TRIM55: variants seen among roughly 807,000 people sequenced by gnomAD.
The protein encoded by TRIM55 is tripartite motif containing 55.
A neutral mutation model predicts 60.9 loss-of-function variants in TRIM55; 50 were observed. That is an observed-to-expected ratio of 0.82 (90% confidence interval 0.65 to 1.04). TRIM55 has a LOEUF of 1.04. Ranked by LOEUF, TRIM55 falls within the 50% of genes least tolerant of loss-of-function variation. The pLI is 0.00. For synonymous variants in TRIM55, 237 were observed against 238.1 expected, an observed-to-expected ratio of 1.00 and a Z score of 0.04; for missense variants, 681 against 666.9, an observed-to-expected ratio of 1.02 and a Z score of -0.23.
chr8:66,122,617 G>T (rs951380286), upstream of TRIM55, among the ~76,000 whole-genome samples: 1 of 152,158 alleles, frequency 6.6e-6, no homozygotes, highest in African/African-American at 2.4e-5. Flanking sequence ...CCAAAAATAT[G>T]ATTCTAAGCC....
chr8:66,167,677 C>T (rs1477253126), intron 9 of TRIM55, among the ~76,000 whole-genome samples: 1 of 152,120 alleles, frequency 6.6e-6, no homozygotes, highest in Non-Finnish European at 1.5e-5. Flanking sequence ...GGCAACAAAG[C>T]CCCCCAGTCA....
At chr8:66,170,913 C>T (rs2128986953) in intron 9 of TRIM55, among the ~76,000 whole-genome samples, 1 of 152,314 alleles carries the variant, frequency 6.6e-6, no homozygotes, top group East Asian at 1.9e-4. Context: ...AAAATCATTT[C>T]TTGTTGATGG....
the TRIM55 span, among the ~76,000 whole-genome samples, chr8:66,117,716 G>T: frequency 6.6e-6 from 1 of 151,024 alleles, no homozygotes; most frequent in East Asian, 2.0e-4. Context: ...GGGTGGAGGA[G>T]AAGTGGGGGT....
the TRIM55 span, among the ~76,000 whole-genome samples, chr8:66,114,336 A>G: frequency 6.6e-6 from 1 of 152,204 alleles, no homozygotes; most frequent in South Asian, 2.1e-4. Context: ...AGACGAAGTC[A>G]GGTGAAGAGT....
chr8:66,168,675 G>T (rs530488504), intron 9 of TRIM55, among the ~76,000 whole-genome samples: 2 of 152,310 alleles, frequency 1.3e-5, no homozygotes, highest in South Asian at 4.1e-4. Flanking sequence ...AACATGCATT[G>T]GTAACCAGAT....
chr8:66,171,849 G>A (rs1811655822), intron 9 of TRIM55, among the ~76,000 whole-genome samples: 1 of 152,190 alleles, frequency 6.6e-6, no homozygotes, highest in Admixed American at 6.5e-5. Context: ...GGGCCTCTTG[G>A]AGATACACTG....
chr8:66,127,110 C>T, upstream of TRIM55: 1 of 738,268 alleles, frequency 1.4e-6, no homozygotes. Context: ...AAAAACAGCT[C>T]CAGCACCCAC....
At chr8:66,146,397 T>C (rs1219425863) in intron 4 of TRIM55, among the ~76,000 whole-genome samples, 1 of 152,220 alleles carries the variant, frequency 6.6e-6, no homozygotes. Context: ...AAATAAGTGA[T>C]TTAATCTTTA....
At chr8:66,118,198 AGT>A in the TRIM55 span, among the ~76,000 whole-genome samples, 1 of 146,068 alleles carries the variant, frequency 6.8e-6, no homozygotes, top group African/African-American at 2.6e-5. Flanking sequence ...AAAAAAAAGA[AGT>A]GTTCAGAGGA....
chr8:66,161,607 G>T (rs757390798), intron 9 of TRIM55, among the ~76,000 whole-genome samples: 7 of 151,900 alleles, frequency 4.6e-5, no homozygotes, highest in Non-Finnish European at 1.0e-4. Flanking sequence ...TTTTTAGATT[G>T]CTTTTGGCAG....
the TRIM55 span, among the ~76,000 whole-genome samples, chr8:66,115,478 G>A: frequency 6.6e-6 from 1 of 152,214 alleles, no homozygotes; most frequent in Non-Finnish European, 1.5e-5. Context: ...GGAACTGGCA[G>A]TGAAACTTTA....
At chr8:66,153,073 T>C (rs563362123) in intron 8 of TRIM55, among the ~76,000 whole-genome samples, 1 of 152,208 alleles carries the variant, frequency 6.6e-6, no homozygotes, top group East Asian at 1.9e-4. Flanking sequence ...GAGTAAGAAA[T>C]AAAAGTGATT....
intron 9 of TRIM55, among the ~76,000 whole-genome samples, chr8:66,165,952 CTT>C (rs35492622): frequency 1.8e-4 from 27 of 146,774 alleles, no homozygotes; most frequent in African/African-American, 6.4e-4. Context: ...TTTTTCTGGG[CTT>C]TTTTTTTTTC....
chr8:66,129,397 C>T (rs998608030), intron 2 of TRIM55, among the ~76,000 whole-genome samples: 10 of 152,110 alleles, frequency 6.6e-5, no homozygotes, highest in African/African-American at 1.9e-4. Context: ...TTAGGGGACA[C>T]GTATTTATGG....
In TRIM55 at chr8:66,154,152, G is replaced by A; in HGVS notation, c.1342G>A (p.Gly448Ser). 6.2e-7 allele frequency: 1 copy of A among 1,614,124 alleles called. No homozygotes were observed. The highest frequency in any genetic ancestry group is 8.5e-7 in the Non-Finnish European group (1 of 1,180,034). Residue 448 changes from glycine to serine, a missense_variant, in exon 9 of 10, where the codon GGC becomes AGC. Transcript: ENST00000315962. ...DPLFYPSWYK[G>S]QTRKATTNPP... ...CTTGTTTTACCCTAGTTGGTATAAA[G>A]GCCAAACCCGGAAAGCCACCACCAA...
At chr8:66,158,252 C>T (rs1297427327) in intron 9 of TRIM55, among the ~76,000 whole-genome samples, 1 of 151,288 alleles carries the variant, frequency 6.6e-6, no homozygotes, top group Non-Finnish European at 1.5e-5. Context: ...CATTGAAATC[C>T]TTGTAATTTC....
intron 9 of TRIM55, among the ~76,000 whole-genome samples, chr8:66,158,371 T>C (rs1252878929): frequency 6.6e-6 from 1 of 152,174 alleles, no homozygotes; most frequent in Non-Finnish European, 1.5e-5. Context: ...TTCAAAAATA[T>C]CCATTTTTTA....
At chr8:66,151,387 T>G (rs1810407324) in intron 7 of TRIM55, among the ~76,000 whole-genome samples, 1 of 152,224 alleles carries the variant, frequency 6.6e-6, no homozygotes, top group Admixed American at 6.5e-5. Context: ...TGACTCATGC[T>G]AGCCCACCTA....
the TRIM55 span, among the ~76,000 whole-genome samples, chr8:66,115,712 C>G: frequency 9.2e-5 from 14 of 152,196 alleles, no homozygotes; most frequent in Non-Finnish European, 1.5e-5. Flanking sequence ...GCTGTAAAAC[C>G]TGATGGCCTT....
Sources: gnomAD v4.1 joint callset for allele counts (sites outside exome capture counted in the v4.1 genomes callset) on GRCh38, gnomAD v4.1.1 for gene constraint, MANE v1.5 for transcripts, NCBI Gene and HGNC (gene_info 2026-07-23, HGNC 2026-07-21) for gene names.